Variants in RALGAPB observed in about 807,000 individuals in gnomAD.
RALGAPB encodes the protein Ral GTPase activating protein non-catalytic subunit beta, also known as ral GTPase-activating protein subunit beta.
RALGAPB carries 25 observed loss-of-function variants against 161.1 expected under a neutral mutation model. The observed-to-expected ratio is 0.16, with a 90% confidence interval of 0.11 to 0.22. The LOEUF (loss-of-function observed/expected upper bound fraction) is 0.22. Ranked by LOEUF, RALGAPB falls within the 10% of genes least tolerant of loss-of-function variation. RALGAPB has a pLI of 1.00. For synonymous variants in RALGAPB, 629 were observed against 626.1 expected, an observed-to-expected ratio of 1.00 and a Z score of -0.07; for missense variants, 1,391 against 1,815.2, an observed-to-expected ratio of 0.77 and a Z score of 4.25.
intron 5 of RALGAPB, among the ~76,000 whole-genome samples, chr20:38,507,738 C>T (rs1000956673): frequency 3.3e-5 from 5 of 151,686 alleles, no homozygotes; most frequent in African/African-American, 9.7e-5. Context: ...TGCTCTGTTG[C>T]CCAGGGTGGA....
chr20:38,549,283 A>G (rs1045898077), intron 20 of RALGAPB, among the ~76,000 whole-genome samples: 8 of 152,112 alleles, frequency 5.3e-5, no homozygotes, highest in African/African-American at 1.7e-4. Flanking sequence ...ACTGGAGTGC[A>G]GTGGTGTAAT....
chr20:38,503,697 T>C (rs1191825292), intron 5 of RALGAPB, among the ~76,000 whole-genome samples: 1 of 152,240 alleles, frequency 6.6e-6, no homozygotes, highest in Admixed American at 6.5e-5. Context: ...TTTGAGAGGA[T>C]TGACTCCGAT....
At chr20:38,483,970 C>T (rs1215915712) in intron 1 of RALGAPB, among the ~76,000 whole-genome samples, 3 of 152,036 alleles carry the variant, frequency 2.0e-5, no homozygotes, top group Non-Finnish European at 4.4e-5. Flanking sequence ...GTGGGTGGAT[C>T]ACAAGGTCAG....
intron 5 of RALGAPB, 49 bp downstream of exon 5, chr20:38,499,682 C>A: frequency 6.6e-7 from 1 of 1,526,716 alleles, no homozygotes; most frequent in South Asian, 1.3e-5. Context: ...TGACCTTAGG[C>A]AGCTTTCTGG....
intron 9 of RALGAPB, 27 bp from the exon 10 acceptor site, chr20:38,521,470 A>G (rs1379530741): frequency 5.0e-6 from 8 of 1,613,524 alleles, no homozygotes; most frequent in African/African-American, 1.3e-5. Flanking sequence ...TTGCAAATAT[A>G]ATAAAACCCT....
chr20:38,523,286 C>T (rs888333246), intron 10 of RALGAPB, among the ~76,000 whole-genome samples: 1 of 152,180 alleles, frequency 6.6e-6, no homozygotes, highest in African/African-American at 2.4e-5. Context: ...CTGGTCTAGT[C>T]AGCTACAGTT....
At chr20:38,512,605 T>C in intron 6 of RALGAPB, among the ~76,000 whole-genome samples, 1 of 152,236 alleles carries the variant, frequency 6.6e-6, no homozygotes, top group Non-Finnish European at 1.5e-5. Flanking sequence ...TAGAACACTG[T>C]TGAATTAAAG....
At chr20:38,550,990 C>G (rs1302039426) in intron 20 of RALGAPB, 81 bp from the exon 21 acceptor site, 1 of 1,477,208 alleles carries the variant, frequency 6.8e-7, no homozygotes, top group Non-Finnish European at 9.2e-7. Context: ...ACACAGGCAT[C>G]TAAGAGACCA....
chr20:38,555,837 C>A (rs1164618452), intron 22 of RALGAPB, among the ~76,000 whole-genome samples: 1 of 152,106 alleles, frequency 6.6e-6, no homozygotes, highest in Non-Finnish European at 1.5e-5. Context: ...TACAGAACTA[C>A]AAACCAGTTT....
At chr20:38,474,938 G>A (rs867664137) in intron 1 of RALGAPB, among the ~76,000 whole-genome samples, 2 of 152,280 alleles carry the variant, frequency 1.3e-5, no homozygotes, top group Middle Eastern at 3.4e-3. Context: ...GTAGTTCCCA[G>A]CTTATAGAGT....
At position 38,562,659 on chromosome 20, in the gene RALGAPB, C is replaced by G. The variant is rs756360131; in HGVS notation, c.3659C>G (p.Ser1220Cys). The stretch of plus-strand genomic sequence containing the variant: ...ACTGGGCATGTTTCTACCAGTTGGT[C>G]TATTAATTGTTGTGATGATGGTGAA... Reference protein sequence around the residue: ...GWTGHVSTSWSINCCDDGEGS... With the variant: ...GWTGHVSTSWCINCCDDGEGS... Residue 1220 changes from serine to cysteine, a missense_variant, in exon 24 of 30, where the codon TCT becomes TGT. Around this residue, in one of 3 missense-constraint regions of RALGAPB, gnomAD observed 436 missense variants for 527.0 expected, o/e 0.83. Transcript: ENST00000262879. The G allele has an allele frequency of 6.2e-7, 1 of 1,613,252 alleles. No homozygotes were observed. Among genetic ancestry groups the G allele is most frequent in the Non-Finnish European group, 8.5e-7 (1 of 1,179,692 alleles).
intron 18 of RALGAPB, among the ~76,000 whole-genome samples, chr20:38,541,619 A>T (rs1235389349): frequency 1.3e-5 from 2 of 152,194 alleles, no homozygotes; most frequent in African/African-American, 4.8e-5. Context: ...AAGATTTATG[A>T]ACTCTCTTAA....
intron 6 of RALGAPB, among the ~76,000 whole-genome samples, chr20:38,515,765 T>C (rs1158323853): frequency 6.6e-6 from 1 of 152,074 alleles, no homozygotes; most frequent in Admixed American, 6.6e-5. Flanking sequence ...GGCATGTTGC[T>C]CTGTTGCTCA....
intron 16 of RALGAPB, chr20:38,537,702 A>G (rs2086849392): frequency 6.6e-6 from 1 of 152,232 alleles, no homozygotes; most frequent in Non-Finnish European, 1.5e-5. Flanking sequence ...CAGATTACAT[A>G]AAGAACTCTC....
chr20:38,518,891 T>G (rs1489434145), intron 9 of RALGAPB, among the ~76,000 whole-genome samples: 1 of 152,216 alleles, frequency 6.6e-6, no homozygotes, highest in African/African-American at 2.4e-5. Flanking sequence ...CTAGGGAGAC[T>G]GTCAGTTCCA....
intron 22 of RALGAPB, among the ~76,000 whole-genome samples, chr20:38,554,898 C>T (rs545382616): frequency 6.6e-6 from 1 of 152,056 alleles, no homozygotes; most frequent in South Asian, 2.1e-4. Context: ...GGCAACATAG[C>T]GAGACCCCCC....
rs1487084932 is a variant in RALGAPB, at chr20:38,520,790, TTAAAAA to T, written c.1418-701_1418-696del. 2.0e-5 allele frequency among the ~76,000 whole-genome samples: 3 copies of T among 152,296 alleles called. No individual in the cohort carries two copies. The East Asian group carries it at 5.8e-4, about 29-fold the overall frequency. ...TTTCAATACACTGTGAAATCTTTTG[TTAAAAA>T]TAAAAGCAACTTTCAAAGGGCTTCT... On this transcript the variant is annotated intron_variant, in intron 9 of 29. Coordinates refer to ENST00000262879, the MANE Select transcript of RALGAPB (RefSeq NM_020336.4).
At chr20:38,526,670 A>C (rs1819930977) in intron 13 of RALGAPB, among the ~76,000 whole-genome samples, 1 of 152,144 alleles carries the variant, frequency 6.6e-6, no homozygotes, top group Non-Finnish European at 1.5e-5. Context: ...ACAAAACCTG[A>C]AATTATCTTG....
chr20:38,549,179 G>C (rs2087274664), intron 20 of RALGAPB, among the ~76,000 whole-genome samples: 1 of 152,062 alleles, frequency 6.6e-6, no homozygotes. Context: ...GTTTGAAATT[G>C]TTTTATATGA....
Sources: gnomAD v4.1 joint callset for allele counts (sites outside exome capture counted in the v4.1 genomes callset) on GRCh38, gnomAD v4.1.1 for gene constraint, gnomAD v4.1.1 regional missense constraint, MANE v1.5 for transcripts, NCBI Gene and HGNC (gene_info 2026-07-23, HGNC 2026-07-21) for gene names.